The following PHF14 variants were observed in gnomAD, a reference collection of about 807,000 sequenced individuals.
The protein encoded by PHF14 is PHD finger protein 14.
Under a neutral mutation model 117.9 loss-of-function variants are expected in PHF14, and 55 were observed. That is an observed-to-expected ratio of 0.47 (90% CI 0.38 to 0.58). The LOEUF (loss-of-function observed/expected upper bound fraction) is 0.58, where lower values mean the gene tolerates loss of function less well. Among genes scored for constraint, PHF14 ranks in the 20% least tolerant of loss-of-function variants. The pLI is 0.00. For synonymous variants in PHF14, 409 were observed against 368.6 expected, an observed-to-expected ratio of 1.11 and a Z score of -1.26; for missense variants, 978 against 1,122.2, an observed-to-expected ratio of 0.87 and a Z score of 1.84.
intron 11 of PHF14, among the ~76,000 whole-genome samples, chr7:11,040,459 A>G (rs1784464807): frequency 6.6e-6 from 1 of 152,058 alleles, no homozygotes; most frequent in African/African-American, 2.4e-5. Flanking sequence ...GTACCACTGA[A>G]AATTGATGAA....
intron 13 of PHF14, 51 bp from the exon 14 acceptor site, chr7:11,051,561 A>T: frequency 6.9e-7 from 1 of 1,457,964 alleles, no homozygotes; most frequent in Non-Finnish European, 9.3e-7. Context: ...CTATAGCTAA[A>T]GCCAGAAGAT....
intron 17 of PHF14, among the ~76,000 whole-genome samples, chr7:11,143,009 A>T (rs1788441783): frequency 6.6e-6 from 1 of 152,164 alleles, no homozygotes. Flanking sequence ...AATAGGAAAA[A>T]GTTATCTATT....
chr7:11,042,181 A>G (rs1784523351), intron 12 of PHF14, among the ~76,000 whole-genome samples: 1 of 151,980 alleles, frequency 6.6e-6, no homozygotes, highest in African/African-American at 2.4e-5. Flanking sequence ...TTGAAAAGAG[A>G]CTCATGTATA....
chr7:11,097,941 G>T (rs892450999), intron 16 of PHF14, among the ~76,000 whole-genome samples: 3 of 152,142 alleles, frequency 2.0e-5, no homozygotes, highest in Admixed American at 1.3e-4. Context: ...GTATGTGTGT[G>T]TGTAGATAGG....
rs778880569 is a variant in PHF14 at position 11,040,784 on chromosome 7, T to C, written c.2180+9T>C. The C allele has an allele frequency of 4.7e-5, 62 of 1,308,384 alleles. 1 individual carries two copies. The highest frequency in any genetic ancestry group is 3.2e-6 in the Non-Finnish European group (3 of 943,660). The allele number at this position is 1,308,384 out of a possible 1,614,324, so 81.0% of individuals were successfully genotyped here. On this transcript the variant is annotated intron_variant, in intron 12 of 17. Transcript: ENST00000634607. ...CCTGCAGTACTTTATAGGCAAGTAA[T>C]GAAATTAATAATGATAGAATAATGT...
chr7:11,051,662 T>A lies in PHF14; in HGVS notation c.2363T>A (p.Met788Lys). 1 of 1,613,622 alleles carries A rather than the reference T, an allele frequency of 6.2e-7. No homozygotes were observed. Among genetic ancestry groups the A allele is most frequent in the Non-Finnish European group, 8.5e-7 (1 of 1,179,688 alleles). ...GGGAGCAGTGACATGGAAGCAGATA[T>A]GGCCATGGAAACCCTACCAGATGGA... ...QAGSSDMEAD[M>K]AMETLPDGTK... Residue 788 changes from methionine (M) to lysine (K), a missense_variant, in exon 14 of 18, where the codon ATG becomes AAG. Coordinates refer to ENST00000634607, the MANE Select transcript of PHF14 (RefSeq NM_001007157.2).
At chr7:11,068,298 C>G (rs962363847) in intron 16 of PHF14, among the ~76,000 whole-genome samples, 1 of 126,088 alleles carries the variant, frequency 7.9e-6, no homozygotes, top group African/African-American at 3.0e-5. Flanking sequence ...TGCAGTGAGC[C>G]AAGATCGCAC....
At chr7:10,996,451 G>A (rs887164040) in intron 4 of PHF14, among the ~76,000 whole-genome samples, 2 of 151,676 alleles carry the variant, frequency 1.3e-5, no homozygotes, top group Non-Finnish European at 2.9e-5. Context: ...GAGATATGAG[G>A]ACCATGGGTG....
At chr7:11,051,528 C>A in intron 13 of PHF14, 84 bp from the exon 14 acceptor site, 1 of 1,081,128 alleles carries the variant, frequency 9.2e-7, no homozygotes, top group Middle Eastern at 2.2e-4. Flanking sequence ...TTCTTATATA[C>A]CTGGATTTTG....
intron 13 of PHF14, among the ~76,000 whole-genome samples, chr7:11,047,454 A>G (rs994584698): frequency 6.6e-6 from 1 of 151,882 alleles, no homozygotes; most frequent in Non-Finnish European, 1.5e-5. Flanking sequence ...CATCATTCTG[A>G]TTATAGGTTG....
chr7:11,118,418 A>G (rs1289202460), intron 17 of PHF14, among the ~76,000 whole-genome samples: 1 of 151,862 alleles, frequency 6.6e-6, no homozygotes, highest in Non-Finnish European at 1.5e-5. Context: ...AATTGTTTGT[A>G]TAAATGTCTT....
At chr7:11,076,927 T>TA (rs1785878895) in intron 16 of PHF14, among the ~76,000 whole-genome samples, 2 of 151,462 alleles carry the variant, frequency 1.3e-5, no homozygotes, top group South Asian at 4.2e-4. Context: ...AATTCTAAGA[T>TA]ATGTTAGTAT....
At chr7:11,131,608 T>C (rs900496826) in intron 17 of PHF14, among the ~76,000 whole-genome samples, 4 of 151,946 alleles carry the variant, frequency 2.6e-5, no homozygotes, top group African/African-American at 7.2e-5. Flanking sequence ...TTATCACTGT[T>C]TTTTGCAGAG....
intron 4 of PHF14, among the ~76,000 whole-genome samples, chr7:10,996,143 G>A (rs984266180): frequency 2.1e-4 from 32 of 152,216 alleles, no homozygotes; most frequent in African/African-American, 6.5e-4. Context: ...GATTAATATG[G>A]TTTGATTCAT....
chr7:11,003,000 G>T (rs2128313456), intron 4 of PHF14, among the ~76,000 whole-genome samples: 1 of 152,080 alleles, frequency 6.6e-6, no homozygotes, highest in East Asian at 1.9e-4. Context: ...AGGCTGGAGT[G>T]CAGTGGCATG....
At chr7:11,074,619 C>T (rs1785759324) in intron 16 of PHF14, among the ~76,000 whole-genome samples, 1 of 152,148 alleles carries the variant, frequency 6.6e-6, no homozygotes, top group South Asian at 2.1e-4. Flanking sequence ...TTTCTTCTAC[C>T]AGAAACCTGT....
chr7:11,079,400 C>G (rs1411302677), intron 16 of PHF14, among the ~76,000 whole-genome samples: 1 of 152,092 alleles, frequency 6.6e-6, no homozygotes, highest in Non-Finnish European at 1.5e-5. Flanking sequence ...CTTTCAAATG[C>G]CACATTAAAC....
chr7:11,073,787 G>T (rs34914921), intron 16 of PHF14, among the ~76,000 whole-genome samples: 1 of 152,178 alleles, frequency 6.6e-6, no homozygotes, highest in Non-Finnish European at 1.5e-5. Flanking sequence ...CTGAAACCTA[G>T]GTGGAGGCTG....
At chr7:11,024,109 A>G (rs1012069015) in intron 6 of PHF14, among the ~76,000 whole-genome samples, 3 of 152,144 alleles carry the variant, frequency 2.0e-5, no homozygotes, top group African/African-American at 7.2e-5. Context: ...TATTGCTGAT[A>G]ATGGAGAAAA....
Sources: gnomAD v4.1 joint callset for allele counts (sites outside exome capture counted in the v4.1 genomes callset) on GRCh38, gnomAD v4.1.1 for gene constraint, MANE v1.5 for transcripts, NCBI Gene and HGNC (gene_info 2026-07-23, HGNC 2026-07-21) for gene names.